COL23A1: variants seen among roughly 807,000 people sequenced by gnomAD.
The protein encoded by COL23A1 is collagen alpha-1(XXIII) chain.
A neutral mutation model predicts 99.3 loss-of-function variants in COL23A1; 97 were observed. The observed-to-expected ratio is 0.98, with a 90% confidence interval of 0.83 to 1.16. The LOEUF (loss-of-function observed/expected upper bound fraction) is 1.16. COL23A1 is among the 50% of genes most tolerant of loss of function. COL23A1 has a pLI of 0.00. For missense variants in COL23A1, 762 were observed against 757.4 expected (o/e 1.01, Z -0.07); for synonymous variants, 320 against 308.2 (o/e 1.04, Z -0.40).
In COL23A1 at chr5:178,262,226, G is replaced by A. The variant is rs140937912; in HGVS notation, c.666C>T (p.Asp222=). The A allele has an allele frequency of 7.1e-5, 113 of 1,583,566 alleles. 1 individual carries two copies. The highest frequency in any genetic ancestry group is 3.3e-4 in the African/African-American group (25 of 74,716). The change falls in exon 10 of 29, where the codon GAC becomes GAT. Residue 222 remains aspartate, a synonymous_variant. Coordinates refer to ENST00000390654, the MANE Select transcript of COL23A1 (RefSeq NM_173465.4). ...TGCCCTGGATACTGACCATCTCGCC[G>A]TCTTGTCCGGGCTCTCCTTTGGGGC... ...PAGPKGEPGQ[D]GEMGPKGPPG...
chr5:178,426,809 G>A (rs1158578147), intron 2 of COL23A1, among the ~76,000 whole-genome samples: 1 of 152,176 alleles, frequency 6.6e-6, no homozygotes, highest in Non-Finnish European at 1.5e-5. Context: ...TGGGCCAAAG[G>A]CCTTCACAGA....
chr5:178,542,320 C>A (rs149832922), intron 2 of COL23A1, among the ~76,000 whole-genome samples: 4 of 152,126 alleles, frequency 2.6e-5, no homozygotes, highest in South Asian at 2.1e-4. Flanking sequence ...AGTGAGCCAC[C>A]GTGCCCGGCC....
intron 2 of COL23A1, among the ~76,000 whole-genome samples, chr5:178,346,959 T>G (rs562535525): frequency 6.6e-6 from 1 of 152,304 alleles, no homozygotes; most frequent in East Asian, 1.9e-4. Flanking sequence ...TCAGAGGTTG[T>G]GAAACAGCAA....
chr5:178,300,045 T>C (rs1323279308), intron 3 of COL23A1, among the ~76,000 whole-genome samples: 1 of 147,348 alleles, frequency 6.8e-6, no homozygotes, highest in Non-Finnish European at 1.5e-5. Context: ...TAAGCCACCG[T>C]GCCTGGCTAC....
intron 3 of COL23A1, among the ~76,000 whole-genome samples, chr5:178,294,766 A>G (rs1757653607): frequency 6.6e-6 from 1 of 152,264 alleles, no homozygotes; most frequent in Non-Finnish European, 1.5e-5. Context: ...TTCATAATCC[A>G]GAAGCCATAA....
intron 5 of COL23A1, among the ~76,000 whole-genome samples, chr5:178,286,366 G>C (rs973950185): frequency 6.6e-6 from 1 of 152,090 alleles, no homozygotes; most frequent in Non-Finnish European, 1.5e-5. Context: ...GGACGCCCGC[G>C]GGGCTCCACA....
chr5:178,441,488 G>A (rs540042605), intron 2 of COL23A1, among the ~76,000 whole-genome samples: 4 of 152,114 alleles, frequency 2.6e-5, no homozygotes, highest in East Asian at 1.9e-4. Flanking sequence ...CTGCAGAGCC[G>A]GAAACCAAAT....
intron 2 of COL23A1, among the ~76,000 whole-genome samples, chr5:178,485,282 G>A (rs1276508178): frequency 6.6e-6 from 1 of 151,880 alleles, no homozygotes; most frequent in Non-Finnish European, 1.5e-5. Flanking sequence ...GACCAGCCTG[G>A]CCAACATAGC....
chr5:178,372,867 C>T (rs146021622), intron 2 of COL23A1, among the ~76,000 whole-genome samples: 263 of 152,174 alleles, frequency 1.7e-3, no homozygotes, highest in African/African-American at 5.9e-3. Flanking sequence ...TGAGCCACCG[C>T]GCCCAGCCCC....
chr5:178,248,860 G>A (rs73338853), intron 19 of COL23A1, among the ~76,000 whole-genome samples: 1,801 of 152,322 alleles, frequency 0.012, 34 homozygotes, highest in African/African-American at 0.04. Flanking sequence ...CCTGGCCAAC[G>A]CGCTCCCATG....
intron 2 of COL23A1, among the ~76,000 whole-genome samples, chr5:178,329,668 C>A (rs1759895017): frequency 6.6e-6 from 1 of 152,218 alleles, no homozygotes; most frequent in African/African-American, 2.4e-5. Flanking sequence ...TGGCTGGGCC[C>A]AGTGGCTCAC....
chr5:178,467,924 C>T (rs370508084), intron 2 of COL23A1, among the ~76,000 whole-genome samples: 1 of 152,100 alleles, frequency 6.6e-6, no homozygotes, highest in Non-Finnish European at 1.5e-5. Context: ...AAACTGCAGG[C>T]GCTGCAGAGG....
chr5:178,293,290 G>C (rs1429900461), intron 3 of COL23A1, among the ~76,000 whole-genome samples: 2 of 152,090 alleles, frequency 1.3e-5, no homozygotes, highest in African/African-American at 4.8e-5. Flanking sequence ...AGAAGGGCTG[G>C]CTCTTGGCGC....
In COL23A1 at chr5:178,429,327, C is replaced by CCCT. The variant is rs565566098; in HGVS notation, c.362-122411_362-122409dup. Among the ~76,000 whole-genome samples the CCCT allele has an allele frequency of 1.6e-3, 240 of 152,302 alleles. 1 individual carries two copies. The highest frequency in any genetic ancestry group is 5.3e-3 in the African/African-American group (221 of 41,570). On this transcript the variant is annotated intron_variant, in intron 2 of 28. Coordinates refer to ENST00000390654, the MANE Select transcript of COL23A1 (RefSeq NM_173465.4). ...CCTCCACACCCCACGAGCGAAGGGC[C>CCCT]CCTCCTCTGCCTTCCTCTAGAGAAA...
intron 2 of COL23A1, among the ~76,000 whole-genome samples, chr5:178,543,165 T>C (rs946199949): frequency 2.0e-5 from 3 of 151,706 alleles, no homozygotes; most frequent in Non-Finnish European, 4.4e-5. Flanking sequence ...TGGAGTGCAA[T>C]GGCGCGATCT....
At chr5:178,520,281 G>C (rs1759867586) in intron 2 of COL23A1, among the ~76,000 whole-genome samples, 1 of 152,194 alleles carries the variant, frequency 6.6e-6, no homozygotes, top group Non-Finnish European at 1.5e-5. Flanking sequence ...TGCTGCCAGA[G>C]CAGAGGCTCG....
At chr5:178,323,719 C>T (rs565236054) in intron 2 of COL23A1, among the ~76,000 whole-genome samples, 89 of 152,306 alleles carry the variant, frequency 5.8e-4, no homozygotes, top group African/African-American at 2.1e-3. Context: ...CTCCCTGGAG[C>T]AGGGCGCTGG....
In COL23A1 at chr5:178,462,214, A is replaced by G. The variant is rs924791589; in HGVS notation, c.361+98468T>C. Reference sequence around the variant, plus strand: ...TGGTTTTATTACTGTCATTTCACAGATGACATGGAGTCTCCAAGAGGTTCC... The same window carrying G: ...TGGTTTTATTACTGTCATTTCACAGGTGACATGGAGTCTCCAAGAGGTTCC... On this transcript the variant is annotated intron_variant, in intron 2 of 28. Transcript: ENST00000390654. Among the ~76,000 whole-genome samples the G allele has an allele frequency of 2.0e-5, 3 of 152,340 alleles. 1 individual carries two copies. The highest frequency in any genetic ancestry group is 4.1e-4 in the South Asian group (2 of 4,830).
intron 2 of COL23A1, among the ~76,000 whole-genome samples, chr5:178,494,454 A>T (rs1327432424): frequency 6.6e-6 from 1 of 152,208 alleles, no homozygotes; most frequent in Non-Finnish European, 1.5e-5. Context: ...AGGCAGGCGG[A>T]TCACCTGAGG....
Sources: allele counts gnomAD v4.1 joint callset (sites outside exome capture counted in the v4.1 genomes callset), GRCh38; gene constraint gnomAD v4.1.1; transcripts MANE v1.5; gene names NCBI Gene and HGNC (gene_info 2026-07-23, HGNC 2026-07-21).